Variants in ZSCAN25 observed in about 807,000 individuals in gnomAD.
ZSCAN25 encodes the protein zinc finger and SCAN domain-containing protein 25.
In ZSCAN25, 27 loss-of-function variants were observed where a neutral mutation model predicts 38.7. The ratio of observed to expected loss-of-function variants is 0.70; its 90% CI spans 0.51 to 0.96. The LOEUF is 0.96. Among genes scored for constraint, ZSCAN25 ranks in the 40% least tolerant of loss-of-function variants. The pLI, the probability that ZSCAN25 is intolerant of heterozygous loss-of-function variation, is 0.00. For missense variants in ZSCAN25, 637 were observed against 705.9 expected (o/e 0.90, Z 1.11); for synonymous variants, 273 against 277.7 (o/e 0.98, Z 0.17).
At chr7:99,693,418 T>G in the ZSCAN25 span, among the ~76,000 whole-genome samples, 1 of 152,228 alleles carries the variant, frequency 6.6e-6, no homozygotes, top group African/African-American at 2.4e-5. Context: ...AGAGAACCAC[T>G]GCTCTCTTCA....
the ZSCAN25 span, chr7:99,650,186 A>T: frequency 6.2e-7 from 1 of 1,614,076 alleles, no homozygotes; most frequent in Middle Eastern, 1.6e-4. Context: ...CCAGTTCCAA[A>T]GGGTGTGTAT....
chr7:99,632,985 T>C (rs1021906809), downstream of ZSCAN25, among the ~76,000 whole-genome samples: 2 of 149,840 alleles, frequency 1.3e-5, no homozygotes, highest in African/African-American at 2.5e-5. Context: ...CTGCATTTTC[T>C]GTTGTTTTTT....
rs371091015 is a variant in ZSCAN25, at chr7:99,630,925, A to G, written c.*905A>G. On this transcript the variant is annotated 3_prime_UTR_variant, in exon 8 of 8. Transcript: ENST00000394152. ...AGATGAACTCTAGTATTAATGCCCT[A>G]TATTTGATGGCACTTTATAGTTCAT... The G allele has an allele frequency of 9.3e-6, 9 of 967,362 alleles. No homozygotes were observed. Among genetic ancestry groups the G allele is most frequent in the South Asian group, 4.8e-5 (1 of 20,896 alleles). 59.9% of individuals were successfully genotyped at this position (967,362 alleles called of 1,614,324 possible).
chr7:99,672,708 C>T, the ZSCAN25 span: 2 of 1,612,278 alleles, frequency 1.2e-6, no homozygotes, highest in Non-Finnish European at 1.7e-6. Flanking sequence ...GCTGATTAAA[C>T]TTCACTAGCC....
chr7:99,715,905 C>G, the ZSCAN25 span: 2 of 1,613,618 alleles, frequency 1.2e-6, no homozygotes, highest in South Asian at 1.1e-5. Flanking sequence ...GCCCCAAAGA[C>G]GCTGAGTGGA....
At chr7:99,644,573 T>A in the ZSCAN25 span, among the ~76,000 whole-genome samples, 1 of 152,276 alleles carries the variant, frequency 6.6e-6, no homozygotes, top group South Asian at 2.1e-4. Flanking sequence ...TAATTCTTTT[T>A]CCTCCGCCAC....
rs979852114 is a variant in ZSCAN25, at chr7:99,630,347, G to A, written c.*327G>A. On this transcript the variant is annotated 3_prime_UTR_variant, in exon 8 of 8. Coordinates refer to ENST00000394152, the MANE Select transcript of ZSCAN25 (RefSeq NM_145115.3). Reference sequence around the variant, plus strand: ...GGGAGTAAAGGCAAAACCTTGACACGTGTTGGTAGCTGGGACCTCATCTTC... The same window carrying A: ...GGGAGTAAAGGCAAAACCTTGACACATGTTGGTAGCTGGGACCTCATCTTC... 1.3e-5 allele frequency: 14 copies of A among 1,106,732 alleles called. No homozygotes were observed. Among genetic ancestry groups the A allele is most frequent in the South Asian group, 1.1e-4 (3 of 27,000 alleles). The allele number at this position is 1,106,732 out of a possible 1,614,324, so 68.6% of individuals were successfully genotyped here.
At chr7:99,638,764 A>C in the ZSCAN25 span, 1 of 1,036,688 alleles carries the variant, frequency 9.6e-7, no homozygotes, top group Non-Finnish European at 1.5e-6. Flanking sequence ...CACTTTCCCC[A>C]TCGCGTCAGA....
rs996969974 is a variant in ZSCAN25, at chr7:99,619,571, G to A, written c.-36G>A. On this transcript the variant is annotated 5_prime_UTR_variant, in exon 4 of 8. The change abolishes an upstream ATG in the 5' untranslated region. Transcript: ENST00000394152. ...TCTTGTTCTCAAAAGGGTCATTGAT[G>A]CAGTCATTCTCAGTCTCCTCGGAGG... 6 of 1,573,144 alleles carry A rather than the reference G, an allele frequency of 3.8e-6. No individual in the cohort carries two copies. The highest frequency in any genetic ancestry group is 1.4e-5 in the African/African-American group (1 of 73,754).
At chr7:99,667,197 T>A in the ZSCAN25 span, 5 of 766,410 alleles carry the variant, frequency 6.5e-6, no homozygotes, top group Non-Finnish European at 9.4e-6. Context: ...CAAGCCATAT[T>A]CAAGATGCTC....
At chr7:99,661,418 A>T in the ZSCAN25 span, among the ~76,000 whole-genome samples, 3 of 152,238 alleles carry the variant, frequency 2.0e-5, no homozygotes, top group African/African-American at 4.8e-5. Context: ...GGACTATCTC[A>T]GGATGTACAA....
chr7:99,642,723 G>A, the ZSCAN25 span, among the ~76,000 whole-genome samples: 65 of 152,188 alleles, frequency 4.3e-4, no homozygotes, highest in South Asian at 0.012. Context: ...ATTATCTGAC[G>A]TATTATAAAT....
the ZSCAN25 span, chr7:99,666,751 T>C: frequency 6.2e-7 from 1 of 1,612,956 alleles, no homozygotes; most frequent in Non-Finnish European, 8.5e-7. Context: ...CAGAAGGATA[T>C]GGCTTTCTCC....
intron 7 of ZSCAN25, among the ~76,000 whole-genome samples, chr7:99,626,463 G>T (rs1172909551): frequency 6.6e-6 from 1 of 152,166 alleles, no homozygotes; most frequent in Non-Finnish European, 1.5e-5. Flanking sequence ...TGGGGTAAGA[G>T]CAGGAACCAG....
At chr7:99,697,391 A>G in the ZSCAN25 span, among the ~76,000 whole-genome samples, 1 of 152,176 alleles carries the variant, frequency 6.6e-6, no homozygotes, top group African/African-American at 2.4e-5. Flanking sequence ...CCAGCCATCA[A>G]CTCAACCGTG....
chr7:99,735,315 A>T, the ZSCAN25 span: 84 of 574,984 alleles, frequency 1.5e-4, no homozygotes, highest in Non-Finnish European at 2.5e-4. Context: ...CCACCTCGGC[A>T]GTTGGCAAAT....
chr7:99,623,028 G>A (rs1807128339), intron 6 of ZSCAN25, among the ~76,000 whole-genome samples: 1 of 152,094 alleles, frequency 6.6e-6, no homozygotes, highest in East Asian at 1.9e-4. Flanking sequence ...GGATGGTCTC[G>A]ATCTCCTGAT....
chr7:99,728,588 C>T, the ZSCAN25 span, among the ~76,000 whole-genome samples: 1 of 152,302 alleles, frequency 6.6e-6, no homozygotes. Context: ...TCCTCTGTGG[C>T]TCCACCACGT....
rs1255299399 is a variant in ZSCAN25 at position 99,621,402 on chromosome 7, G to C, written c.417G>C (p.Glu139Asp). Residue 139 changes from glutamate to aspartate, a missense_variant, in exon 5 of 8, where the codon GAG becomes GAC. Transcript: ENST00000394152. ...AVPCHRQGEQEETALCRGAWE... is the reference protein window; with the variant it reads ...AVPCHRQGEQDETALCRGAWE... ...CATGCCACAGGCAGGGAGAGCAGGA[G>C]GAAACAGCACTTTGCAGAGGCGCTT... The C allele has an allele frequency of 6.8e-7, 1 of 1,480,884 alleles. No individual in the cohort carries two copies. The highest frequency in any genetic ancestry group is 1.4e-5 in the African/African-American group (1 of 71,038). 91.7% of individuals were successfully genotyped at this position (1,480,884 alleles called of 1,614,324 possible).
Sources: gnomAD v4.1 joint callset for allele counts (sites outside exome capture counted in the v4.1 genomes callset) on GRCh38, gnomAD v4.1.1 for gene constraint, MANE v1.5 for transcripts, NCBI Gene and HGNC (gene_info 2026-07-23, HGNC 2026-07-21) for gene names.